The following GSTT4 variants were observed in gnomAD, a reference collection of about 807,000 sequenced individuals.
The protein encoded by GSTT4 is glutathione S-transferase theta-4.
chr22:23,995,074 C>A (rs1487307639), downstream of GSTT4, among the ~76,000 whole-genome samples: 6 of 152,146 alleles, frequency 3.9e-5, no homozygotes, highest in Admixed American at 3.9e-4. Flanking sequence ...AGACAGCTTC[C>A]TCCATGATGT....
chr22:23,997,419 C>A (rs932272038), downstream of GSTT4, among the ~76,000 whole-genome samples: 20 of 151,924 alleles, frequency 1.3e-4, no homozygotes, highest in Non-Finnish European at 2.4e-4. Context: ...AAAAAAGTCT[C>A]ATTGTGTTAC....
downstream of GSTT4, among the ~76,000 whole-genome samples, chr22:23,995,522 T>C (rs573173912): frequency 6.6e-6 from 1 of 152,320 alleles, no homozygotes; most frequent in Non-Finnish European, 1.5e-5. Flanking sequence ...CATCAGACCC[T>C]GAGATTCTAT....
rs1271208390 is a variant in GSTT4 at position 24,005,390 on chromosome 22, TG to T, written c.-35del. 1 of 153,620 alleles carries T rather than the reference TG, an allele frequency of 6.5e-6. No homozygotes were observed. Among genetic ancestry groups the T allele is most frequent in the East Asian group, 1.9e-4 (1 of 5,216 alleles). The allele number at this position is 153,620 out of a possible 1,614,324, so 9.5% of individuals were successfully genotyped here. On this transcript the variant is annotated 5_prime_UTR_variant, in exon 1 of 5. Coordinates refer to ENST00000621179, the MANE Select transcript of GSTT4 (RefSeq NM_001358664.2). ...ACATGCCAGGCCCCACAGCCGCAGT[TG>T]GCCAGCCACAGACCTGGGCCTATGT...
chr22:23,999,265 A>G (rs142586773), intron 4 of GSTT4, among the ~76,000 whole-genome samples: 168 of 152,220 alleles, frequency 1.1e-3, no homozygotes, highest in African/African-American at 3.6e-3. Context: ...GGTGAAATGT[A>G]AGGGGTGGGG....
chr22:24,002,081 G>C (rs1461102713), intron 2 of GSTT4, among the ~76,000 whole-genome samples: 8 of 152,278 alleles, frequency 5.3e-5, no homozygotes, highest in Non-Finnish European at 1.0e-4. Flanking sequence ...GTTGCAACTG[G>C]AAGAAGGGTG....
chr22:24,002,396 T>C (rs1437488676), intron 2 of GSTT4, among the ~76,000 whole-genome samples: 4 of 152,264 alleles, frequency 2.6e-5, no homozygotes, highest in Admixed American at 6.5e-5. Context: ...CCTTGCTGAT[T>C]GATGGCTGGT....
At chr22:23,993,048 T>C in the GSTT4 span, among the ~76,000 whole-genome samples, 292 of 141,690 alleles carry the variant, frequency 2.1e-3, no homozygotes, top group African/African-American at 7.3e-3. Flanking sequence ...GCTGGGATTA[T>C]AGGTGTGATC....
At chr22:23,993,976 G>A (rs72495501), downstream of GSTT4, among the ~76,000 whole-genome samples, 34,680 of 151,124 alleles carry the variant, frequency 0.23, 3,284 homozygotes, top group African/African-American at 0.41. Flanking sequence ...AGTCAAACAG[G>A]GGTGGAAGCT....
At chr22:24,000,942 C>T (rs1425864262) in intron 3 of GSTT4, among the ~76,000 whole-genome samples, 5 of 104,076 alleles carry the variant, frequency 4.8e-5, no homozygotes, top group African/African-American at 2.2e-4. Context: ...CACATCAGCC[C>T]CTCCCGTATG....
In GSTT4 at chr22:24,005,400, C is replaced by G. The variant is rs1321206378; in HGVS notation, c.-44G>C. The G allele has an allele frequency of 1.3e-5, 2 of 153,486 alleles. No individual in the cohort carries two copies. Among genetic ancestry groups the G allele is most frequent in the African/African-American group, 2.4e-5 (1 of 41,502 alleles). The allele number at this position is 153,486 out of a possible 1,614,324, so 9.5% of individuals were successfully genotyped here. A position where few individuals can be genotyped will look rare whatever the true frequency, so the allele number is the denominator to read the frequency against. ...CCCCACAGCCGCAGTTGGCCAGCCA[C>G]AGACCTGGGCCTATGTCTGGCCAGA... On this transcript the variant is annotated 5_prime_UTR_variant, in exon 1 of 5. Coordinates refer to ENST00000621179, the MANE Select transcript of GSTT4 (RefSeq NM_001358664.2).
At chr22:23,997,437 G>A (rs2034127140), downstream of GSTT4, among the ~76,000 whole-genome samples, 1 of 152,028 alleles carries the variant, frequency 6.6e-6, no homozygotes, top group South Asian at 2.1e-4. Context: ...TACCCAGGCT[G>A]TTCTCAATCT....
rs1485849968 is a variant in GSTT4 at position 24,000,169 on chromosome 22, T to G, written c.434A>C (p.Gln145Pro). ...HAVEEVKNSL[Q>P]LFEEYFLQDK... The stretch of plus-strand genomic sequence containing the variant: ...CTGCAGAAAATACTCCTCAAAGAGC[T>G]GCAGGCTGTTCTTCACCTCTTCCAC... The change falls in exon 4 of 5, where the codon CAG becomes CCG. Residue 145 changes from glutamine to proline, a missense_variant. Transcript: ENST00000621179. The G allele has an allele frequency of 6.5e-6, 1 of 154,908 alleles. No homozygotes were observed. Among genetic ancestry groups the G allele is most frequent in the East Asian group, 1.9e-4 (1 of 5,202 alleles). The allele number at this position is 154,908 out of a possible 1,614,324, so 9.6% of individuals were successfully genotyped here. A position where few individuals can be genotyped will look rare whatever the true frequency, so the allele number is the denominator to read the frequency against.
At chr22:23,996,503 C>G (rs6004013), downstream of GSTT4, among the ~76,000 whole-genome samples, 3,464 of 152,176 alleles carry the variant, frequency 0.023, 52 homozygotes, top group African/African-American at 0.078. Context: ...TGCTTTTTGT[C>G]AAGTTGAGGA....
chr22:24,002,473 G>T (rs974997482), intron 2 of GSTT4, among the ~76,000 whole-genome samples: 6 of 152,280 alleles, frequency 3.9e-5, no homozygotes, highest in African/African-American at 7.2e-5. Flanking sequence ...AGGTAAAAAG[G>T]TCAGGGCATG....
the GSTT4 span, among the ~76,000 whole-genome samples, chr22:23,992,388 G>T: frequency 6.7e-6 from 1 of 148,176 alleles, no homozygotes; most frequent in East Asian, 2.0e-4. Flanking sequence ...CACCAAGCAA[G>T]GATGTGGGAT....
At chr22:23,995,834 T>C (rs2034110379), downstream of GSTT4, among the ~76,000 whole-genome samples, 3 of 152,206 alleles carry the variant, frequency 2.0e-5, no homozygotes, top group Admixed American at 2.0e-4. Flanking sequence ...TTTTATTCTT[T>C]TTGATGGTAT....
chr22:23,994,259 C>G (rs1026553726), downstream of GSTT4, among the ~76,000 whole-genome samples: 9 of 116,684 alleles, frequency 7.7e-5, no homozygotes, highest in Non-Finnish European at 1.3e-4. Context: ...TAATATCCAC[C>G]CTTTCAAAGT....
chr22:24,003,158 T>TTTTTA (rs1303176599), intron 2 of GSTT4, among the ~76,000 whole-genome samples: 1 of 105,838 alleles, frequency 9.4e-6, no homozygotes. Flanking sequence ...TTGTTTGTTT[T>TTTTTA]AAGAACTCTT....
At chr22:23,990,911 C>T in the GSTT4 span, among the ~76,000 whole-genome samples, 30 of 100,216 alleles carry the variant, frequency 3.0e-4, 1 homozygote, top group African/African-American at 7.0e-4. Flanking sequence ...CGGCTCATGC[C>T]TGTAATCCCA....
Sources: allele counts gnomAD v4.1 joint callset (sites outside exome capture counted in the v4.1 genomes callset), GRCh38; gene constraint gnomAD v4.1.1; transcripts MANE v1.5; gene names NCBI Gene and HGNC (gene_info 2026-07-23, HGNC 2026-07-21).